Variants in CCDC102B observed in about 807,000 individuals in gnomAD.
CCDC102B encodes the protein coiled-coil domain-containing protein 102B.
In CCDC102B, 75 loss-of-function variants were observed where a neutral mutation model predicts 57.4. The observed-to-expected ratio is 1.31, with a 90% CI of 1.08 to 1.58. The LOEUF (loss-of-function observed/expected upper bound fraction) is 1.58, where lower values mean the gene tolerates loss of function less well. Ranked by LOEUF, CCDC102B falls within the 40% of genes most tolerant of loss-of-function variation. The pLI, the probability that CCDC102B is intolerant of heterozygous loss-of-function variation, is 0.00. For missense variants in CCDC102B, 636 were observed against 582.6 expected (o/e 1.09, Z -0.94); for synonymous variants, 206 against 201.9 (o/e 1.02, Z -0.17).
chr18:68,757,504 C>G (rs1051840020), intron 2 of CCDC102B, among the ~76,000 whole-genome samples: 4 of 151,740 alleles, frequency 2.6e-5, no homozygotes, highest in African/African-American at 9.7e-5. Flanking sequence ...GAAATTTTCT[C>G]TTAAAAAAAC....
chr18:69,006,218 GATA>G (rs1214730833), intron 6 of CCDC102B, among the ~76,000 whole-genome samples: 1 of 151,992 alleles, frequency 6.6e-6, no homozygotes, highest in Non-Finnish European at 1.5e-5. Flanking sequence ...TGCGATTTTA[GATA>G]ATAATAGCAT....
intron 6 of CCDC102B, among the ~76,000 whole-genome samples, chr18:68,980,350 C>G (rs2050546322): frequency 6.8e-6 from 1 of 146,582 alleles, no homozygotes; most frequent in Non-Finnish European, 1.5e-5. Flanking sequence ...CAACACATAA[C>G]TTACTTAGGG....
chr18:68,724,276 G>C (rs1473799136), intron 2 of CCDC102B, among the ~76,000 whole-genome samples: 2 of 152,188 alleles, frequency 1.3e-5, no homozygotes, highest in Non-Finnish European at 2.9e-5. Flanking sequence ...GCTGTGTGAA[G>C]GTTTCTGACA....
intron 1 of CCDC102B, among the ~76,000 whole-genome samples, chr18:68,804,381 T>C (rs1185275013): frequency 6.6e-6 from 1 of 152,110 alleles, no homozygotes; most frequent in African/African-American, 2.4e-5. Context: ...ACACGTGAGA[T>C]CCCAGAGATA....
chr18:68,851,499 T>G, intron 4 of CCDC102B, among the ~76,000 whole-genome samples: 1 of 152,158 alleles, frequency 6.6e-6, no homozygotes, highest in Non-Finnish European at 1.5e-5. Context: ...TTAAGAATAA[T>G]ATAAGCACTG....
intron 7 of CCDC102B, among the ~76,000 whole-genome samples, chr18:69,023,114 A>C (rs2051891746): frequency 6.6e-6 from 1 of 152,230 alleles, no homozygotes. Flanking sequence ...GAAATTGTGC[A>C]CAAGGTATCA....
intron 7 of CCDC102B, among the ~76,000 whole-genome samples, chr18:69,046,233 C>G (rs2052563121): frequency 6.6e-6 from 1 of 152,138 alleles, no homozygotes; most frequent in Non-Finnish European, 1.5e-5. Flanking sequence ...CATAAGTATT[C>G]CCTATCCTCT....
rs188028487 is a variant in CCDC102B at position 68,920,455 on chromosome 18, T to C, written c.1263+23027T>C. On this transcript the variant is annotated intron_variant, in intron 6 of 7. Transcript: ENST00000360242. ...ACTTTTAGGTACTGTGGTGTATTAG[T>C]CCATTTTCACACTGCTGATAAAGAT... is the stretch of plus-strand genomic sequence containing the variant. Among the ~76,000 whole-genome samples, 4 of 152,186 alleles carry C rather than the reference T, an allele frequency of 2.6e-5. No homozygotes were observed. In the East Asian group the frequency reaches 7.8e-4, roughly 30 times the overall value.
intron 1 of CCDC102B, among the ~76,000 whole-genome samples, chr18:68,826,388 A>C (rs752218288): frequency 6.6e-6 from 1 of 152,216 alleles, no homozygotes; most frequent in Non-Finnish European, 1.5e-5. Flanking sequence ...GGGCCTCTCC[A>C]AACAACTGCT....
chr18:68,972,168 T>C (rs1568361613), intron 6 of CCDC102B, among the ~76,000 whole-genome samples: 2 of 152,168 alleles, frequency 1.3e-5, no homozygotes, highest in Non-Finnish European at 2.9e-5. Flanking sequence ...AGAGACAACA[T>C]GAGAATTTGG....
intron 6 of CCDC102B, among the ~76,000 whole-genome samples, chr18:68,900,837 C>T (rs570503147): frequency 1.3e-5 from 2 of 152,036 alleles, no homozygotes; most frequent in East Asian, 1.9e-4. Context: ...ACAGCCAGTT[C>T]GAAGGAAAAT....
intron 4 of CCDC102B, among the ~76,000 whole-genome samples, chr18:68,864,389 T>C (rs914799445): frequency 3.9e-5 from 6 of 152,010 alleles, no homozygotes; most frequent in Non-Finnish European, 7.4e-5. Flanking sequence ...GTCAGCTCAT[T>C]TAAAATACTG....
intron 6 of CCDC102B, among the ~76,000 whole-genome samples, chr18:68,974,547 G>C (rs2050384585): frequency 6.6e-6 from 1 of 151,696 alleles, no homozygotes; most frequent in East Asian, 1.9e-4. Flanking sequence ...GTTCTTGTTG[G>C]ATATAGTTAT....
intron 6 of CCDC102B, among the ~76,000 whole-genome samples, chr18:68,918,790 C>A (rs970829875): frequency 3.3e-5 from 5 of 151,958 alleles, no homozygotes; most frequent in African/African-American, 7.2e-5. Context: ...CATAGCAGTT[C>A]TAAAATTAAT....
chr18:68,960,135 C>T (rs1271346357), intron 6 of CCDC102B, among the ~76,000 whole-genome samples: 1 of 152,168 alleles, frequency 6.6e-6, no homozygotes, highest in African/African-American at 2.4e-5. Context: ...CAGAGTCTTA[C>T]CTAAGGCTCA....
chr18:68,955,021 G>A (rs1292497842), intron 6 of CCDC102B, among the ~76,000 whole-genome samples: 1 of 152,154 alleles, frequency 6.6e-6, no homozygotes, highest in Non-Finnish European at 1.5e-5. Flanking sequence ...AAAGCATAGA[G>A]CTACTATCAC....
intron 6 of CCDC102B, among the ~76,000 whole-genome samples, chr18:68,960,757 T>G (rs899625762): frequency 6.6e-6 from 1 of 152,162 alleles, no homozygotes; most frequent in Non-Finnish European, 1.5e-5. Flanking sequence ...CCAGCAGAGT[T>G]TTGCTTGTTG....
intron 6 of CCDC102B, among the ~76,000 whole-genome samples, chr18:68,998,987 TATATATATATATAGAGAGAG>T (rs1162084284): frequency 9.2e-4 from 74 of 80,858 alleles, no homozygotes; most frequent in African/African-American, 1.7e-3. Context: ...TATATATATA[TATATATATATATAGAGAGAG>T]AGAGAGAGAG....
chr18:68,726,193 C>A (rs1163397244), intron 2 of CCDC102B, among the ~76,000 whole-genome samples: 1 of 152,164 alleles, frequency 6.6e-6, no homozygotes, highest in African/African-American at 2.4e-5. Flanking sequence ...TAATTGGCTG[C>A]AAATTCTTCC....
Sources: allele counts gnomAD v4.1 joint callset (sites outside exome capture counted in the v4.1 genomes callset), GRCh38; gene constraint gnomAD v4.1.1; transcripts MANE v1.5; gene names NCBI Gene and HGNC (gene_info 2026-07-23, HGNC 2026-07-21).